GRID2: variants seen among roughly 807,000 people sequenced by gnomAD.
GRID2 encodes the protein glutamate ionotropic receptor delta type subunit 2.
A neutral mutation model predicts 114.8 loss-of-function variants in GRID2; 33 were observed. The observed-to-expected ratio is 0.29, with a 90% CI of 0.22 to 0.38. GRID2 has a LOEUF of 0.38. Among genes scored for constraint, GRID2 ranks in the 10% least tolerant of loss-of-function variants. The probability of loss-of-function intolerance (pLI) is 1.00; values close to 1 mark genes in which losing one functional copy is unlikely to be tolerated. For missense variants in GRID2, 1,184 were observed against 1,257.7 expected, an observed-to-expected ratio of 0.94 and a Z score of 0.89; for synonymous variants, 505 against 449.9, an observed-to-expected ratio of 1.12 and a Z score of -1.55.
At position 93,769,347 on chromosome 4, in the gene GRID2, G is replaced by A; in HGVS notation, c.2498G>A (p.Gly833Glu). The A allele has an allele frequency of 6.2e-7, 1 of 1,614,016 alleles. No individual in the cohort carries two copies. The highest frequency in any genetic ancestry group is 8.5e-7 in the Non-Finnish European group (1 of 1,179,942). Residue 833 changes from glycine (G) to glutamate (E), a missense_variant, in exon 15 of 16, where the codon GGG becomes GAG. Physicochemically the swap from Gly to Glu is moderately conservative, Grantham distance 98. This residue lies in a region of GRID2 where 717 missense variants were observed against 796.9 expected (regional missense o/e 0.90). Coordinates refer to ENST00000282020, the MANE Select transcript of GRID2 (RefSeq NM_001510.4). ...GCCCTGGACATAAAGAGCTTTGCAG[G>A]GGTCTTTTGTATCCTGGCTGCTGGA... ...GGALDIKSFA[G>E]VFCILAAGIV...
chr4:93,487,864 CACCAACCATT>C (rs1333164315), intron 11 of GRID2, among the ~76,000 whole-genome samples: 7 of 151,882 alleles, frequency 4.6e-5, no homozygotes, highest in African/African-American at 9.7e-5. Flanking sequence ...TGGCTTCATC[CACCAACCATT>C]ACCAACCATT....
chr4:93,554,450 T>A (rs1734104132), intron 13 of GRID2, among the ~76,000 whole-genome samples: 1 of 152,162 alleles, frequency 6.6e-6, no homozygotes, highest in Non-Finnish European at 1.5e-5. Flanking sequence ...TTTTTTTAAA[T>A]TTTTGGTTAC....
At chr4:92,408,818 C>A (rs1731158683) in intron 1 of GRID2, among the ~76,000 whole-genome samples, 1 of 151,910 alleles carries the variant, frequency 6.6e-6, no homozygotes, top group Non-Finnish European at 1.5e-5. Flanking sequence ...TTTCTTTTAA[C>A]TGATTTTGTA....
At chr4:93,071,249 A>G (rs139424844) in intron 2 of GRID2, among the ~76,000 whole-genome samples, 1 of 152,224 alleles carries the variant, frequency 6.6e-6, no homozygotes, top group East Asian at 1.9e-4. Flanking sequence ...CAGGACATGT[A>G]TAGTATATCT....
chr4:92,904,137 C>A (rs1747779638), intron 2 of GRID2, among the ~76,000 whole-genome samples: 1 of 151,410 alleles, frequency 6.6e-6, no homozygotes, highest in Admixed American at 6.6e-5. Flanking sequence ...TAGAATAATT[C>A]CTTGGAATTT....
At chr4:92,636,117 G>A (rs1043143904) in intron 2 of GRID2, among the ~76,000 whole-genome samples, 2 of 152,026 alleles carry the variant, frequency 1.3e-5, no homozygotes, top group African/African-American at 2.4e-5. Flanking sequence ...TTGAAAATTA[G>A]TGGATACTGA....
chr4:92,509,033 C>T (rs1724112754), intron 1 of GRID2, among the ~76,000 whole-genome samples: 1 of 151,818 alleles, frequency 6.6e-6, no homozygotes, highest in Non-Finnish European at 1.5e-5. Flanking sequence ...CACCACTGCA[C>T]TATAGCCTGG....
At position 93,371,477 on chromosome 4, in the gene GRID2, C is replaced by G. The variant is rs141532473; in HGVS notation, c.1246-24130C>G. On this transcript the variant is annotated intron_variant, in intron 8 of 15. Transcript: ENST00000282020. ...CTCAGGGAAAGAGTGAAGCCTTTTA[C>G]TCAATCGTTCCAGAAAATATCTAAT... Among the ~76,000 whole-genome samples, 8 of 151,500 alleles carry G rather than the reference C, an allele frequency of 5.3e-5. No homozygotes were observed. In the East Asian group the frequency reaches 1.6e-3, roughly 30 times the overall value.
At chr4:93,088,213 T>C (rs1023866760) in intron 3 of GRID2, among the ~76,000 whole-genome samples, 2 of 152,168 alleles carry the variant, frequency 1.3e-5, no homozygotes, top group African/African-American at 4.8e-5. Context: ...ATATCTTTGC[T>C]TCTAAGTCAA....
chr4:93,302,922 G>A (rs1755027127), intron 8 of GRID2, among the ~76,000 whole-genome samples: 3 of 152,268 alleles, frequency 2.0e-5, no homozygotes, highest in African/African-American at 7.2e-5. Context: ...TCACATTGCT[G>A]TATAAACAAC....
chr4:92,777,632 A>G (rs1325388719), intron 2 of GRID2, among the ~76,000 whole-genome samples: 2 of 151,988 alleles, frequency 1.3e-5, no homozygotes, highest in Non-Finnish European at 2.9e-5. Context: ...AGGGCCATTA[A>G]AGAAGTAATG....
chr4:93,142,037 A>G (rs1203305724), intron 4 of GRID2, among the ~76,000 whole-genome samples: 1 of 152,142 alleles, frequency 6.6e-6, no homozygotes, highest in Non-Finnish European at 1.5e-5. Context: ...AAACATAGCA[A>G]AAACTTATCT....
At chr4:92,475,089 T>G (rs76947771) in intron 1 of GRID2, among the ~76,000 whole-genome samples, 2,681 of 149,022 alleles carry the variant, frequency 0.018, 88 homozygotes, top group African/African-American at 0.062. Context: ...TGGCACATTG[T>G]GCATATGTAC....
chr4:93,328,566 A>G (rs1412322722), intron 8 of GRID2, among the ~76,000 whole-genome samples: 3 of 152,150 alleles, frequency 2.0e-5, no homozygotes, highest in Non-Finnish European at 4.4e-5. Flanking sequence ...ATCTAAAGCT[A>G]TTACATATTT....
At chr4:93,338,372 A>G (rs1759300638) in intron 8 of GRID2, among the ~76,000 whole-genome samples, 1 of 152,148 alleles carries the variant, frequency 6.6e-6, no homozygotes, top group Non-Finnish European at 1.5e-5. Flanking sequence ...TCTCGATTAC[A>G]AGTCGCCAAT....
At chr4:93,753,357 A>G (rs1732485655) in intron 14 of GRID2, among the ~76,000 whole-genome samples, 2 of 152,038 alleles carry the variant, frequency 1.3e-5, no homozygotes, top group Admixed American at 1.3e-4. Flanking sequence ...TATTATTATT[A>G]TTATACTTTA....
At chr4:93,295,496 A>T (rs1451484140) in intron 8 of GRID2, among the ~76,000 whole-genome samples, 1 of 152,172 alleles carries the variant, frequency 6.6e-6, no homozygotes, top group African/African-American at 2.4e-5. Context: ...GCAAATCTGA[A>T]ATCTGCAGGG....
intron 2 of GRID2, among the ~76,000 whole-genome samples, chr4:92,671,212 G>A (rs1733050916): frequency 6.6e-6 from 1 of 151,700 alleles, no homozygotes; most frequent in African/African-American, 2.4e-5. Flanking sequence ...AAAGAGCTAA[G>A]GGGGAAGTGC....
chr4:93,605,426 A>G (rs988491404), intron 13 of GRID2, among the ~76,000 whole-genome samples: 6 of 152,154 alleles, frequency 3.9e-5, no homozygotes, highest in African/African-American at 1.4e-4. Flanking sequence ...TTAAACCACA[A>G]TGGTTTACCT....
Sources: gnomAD v4.1 joint callset for allele counts (sites outside exome capture counted in the v4.1 genomes callset) on GRCh38, gnomAD v4.1.1 for gene constraint, gnomAD v4.1.1 regional missense constraint, MANE v1.5 for transcripts, NCBI Gene and HGNC (gene_info 2026-07-23, HGNC 2026-07-21) for gene names.